COQ7: variants seen among roughly 807,000 people sequenced by gnomAD.
The protein encoded by COQ7 is NADPH-dependent 3-demethoxyubiquinone 3-hydroxylase, mitochondrial.
In COQ7, 21 loss-of-function variants were observed where a neutral mutation model predicts 25.0. The ratio of observed to expected loss-of-function variants is 0.84; its 90% CI spans 0.60 to 1.21. COQ7 has a LOEUF of 1.21. COQ7 is among the 50% of genes most tolerant of loss of function. The pLI is 0.00. For synonymous variants in COQ7, 125 were observed against 112.4 expected (o/e 1.11, Z -0.71); for missense variants, 311 against 296.2 (o/e 1.05, Z -0.37).
intron 1 of COQ7, chr16:19,068,137 C>A: frequency 9.5e-7 from 1 of 1,057,858 alleles, no homozygotes; most frequent in Non-Finnish European, 1.1e-6. Context: ...CCAGCAGCCT[C>A]CGCTACTTCT....
chr16:19,076,402 T>C (rs1487270372), intron 4 of COQ7, among the ~76,000 whole-genome samples: 1 of 151,660 alleles, frequency 6.6e-6, no homozygotes, highest in Non-Finnish European at 1.5e-5. Context: ...GCCAGAACCC[T>C]TGTCTCTTGA....
chr16:19,072,121 A>G lies in COQ7; in HGVS notation c.252+15A>G. 6.2e-7 allele frequency: 1 copy of G among 1,613,842 alleles called. No homozygotes were observed. Among genetic ancestry groups the G allele is most frequent in the African/African-American group, 1.3e-5 (1 of 75,002 alleles). ...CAGTCATTCAGGTGGGTGCTTCTTC[A>G]TCTCCCTCACCCTGGTCTACTGAAT... On this transcript the variant is annotated intron_variant, in intron 2 of 5. Coordinates refer to ENST00000321998, the MANE Select transcript of COQ7 (RefSeq NM_016138.5).
chr16:19,082,198 A>G (rs1963111227), downstream of COQ7, among the ~76,000 whole-genome samples: 1 of 152,262 alleles, frequency 6.6e-6, no homozygotes, highest in Non-Finnish European at 1.5e-5. Context: ...ATGATACAAC[A>G]TGGATGAACC....
chr16:19,077,348 A>G lies in COQ7; in HGVS notation c.550A>G (p.Ile184Val). ...GGATGAAGAGCTTGAGCACCATGAC[A>G]TAGGCCTCGACCATGATGCAGAATT... ...FRDEELEHHD[I>V]GLDHDAELAP... Residue 184 changes from isoleucine (I) to valine (V), a missense_variant, in exon 5 of 6, where the codon ATA becomes GTA. Ile to Val is a conservative substitution (Grantham distance 29). Coordinates refer to ENST00000321998, the MANE Select transcript of COQ7 (RefSeq NM_016138.5). 5 of 1,614,152 alleles carry G rather than the reference A, an allele frequency of 3.1e-6. No individual in the cohort carries two copies. Among genetic ancestry groups the G allele is most frequent in the African/African-American group, 2.7e-5 (2 of 75,036 alleles).
At chr16:19,074,487 T>C (rs1019603238) in intron 3 of COQ7, among the ~76,000 whole-genome samples, 2 of 151,572 alleles carry the variant, frequency 1.3e-5, no homozygotes, top group African/African-American at 4.9e-5. Flanking sequence ...ATTGGCCCAC[T>C]GCACTCCAGC....
In COQ7 at chr16:19,067,754, A is replaced by G. The variant is rs1383677341; in HGVS notation, c.73+17A>G. On this transcript the variant is annotated intron_variant, in intron 1 of 5. Coordinates refer to ENST00000321998, the MANE Select transcript of COQ7 (RefSeq NM_016138.5). The stretch of plus-strand genomic sequence containing the variant: ...CCCTCTCAGGTAAAAGGAGGCGCGC[A>G]GTCACAGTCCTGCGCCGGTCTAGCG... 1 of 1,597,894 alleles carries G rather than the reference A, an allele frequency of 6.3e-7. No homozygotes were observed. The highest frequency in any genetic ancestry group is 8.5e-7 in the Non-Finnish European group (1 of 1,177,444).
intron 2 of COQ7, among the ~76,000 whole-genome samples, chr16:19,072,697 A>G (rs367685879): frequency 3.9e-5 from 6 of 152,212 alleles, no homozygotes; most frequent in Admixed American, 2.6e-4. Context: ...TGGGCAAGCT[A>G]CTTAGCCTCT....
chr16:19,077,544 T>C (rs1375150001), intron 5 of COQ7, among the ~76,000 whole-genome samples, 170 bp downstream of exon 5: 3 of 150,976 alleles, frequency 2.0e-5, no homozygotes, highest in African/African-American at 7.3e-5. Flanking sequence ...TGCTCCAGAT[T>C]GGGAATCTCC....
chr16:19,075,846 G>C lies in COQ7; in HGVS notation c.493G>C (p.Glu165Gln), dbSNP rs777896232. Residue 165 changes from glutamate (E) to glutamine (Q), a missense_variant, in exon 4 of 6, where the codon GAG becomes CAG. By Grantham distance (29) the Glu-to-Gln change is conservative (BLOSUM62 2). Transcript: ENST00000321998. ...GATGGAGGAGGACCCTGAAAAATAC[G>C]AGGAACTTCTTCAGGTATTTATCCG... ...TLMEEDPEKY[E>Q]ELLQLIKKFR... 1.2e-6 allele frequency: 2 copies of C among 1,614,206 alleles called. No homozygotes were observed. Among genetic ancestry groups the C allele is most frequent in the Non-Finnish European group, 1.7e-6 (2 of 1,180,036 alleles).
At chr16:19,071,721 T>A (rs1962567083) in intron 1 of COQ7, 3 of 585,068 alleles carry the variant, frequency 5.1e-6, no homozygotes, top group Non-Finnish European at 9.0e-6. Context: ...CAGATCTTCA[T>A]ACACTTAAAG....
At chr16:19,075,441 C>CTG (rs1411303029) in intron 3 of COQ7, among the ~76,000 whole-genome samples, 4 of 29,024 alleles carry the variant, frequency 1.4e-4, no homozygotes, top group East Asian at 4.7e-3. Context: ...CTCAGGTGAT[C>CTG]CGCCTCGGCC....
intron 2 of COQ7, among the ~76,000 whole-genome samples, chr16:19,072,909 G>A (rs551504742): frequency 1.5e-3 from 224 of 152,260 alleles, no homozygotes; most frequent in African/African-American, 5.1e-3. Flanking sequence ...GGTGGCTCAC[G>A]CCTGTAATCC....
At chr16:19,077,744 C>A (rs762639597) in intron 5 of COQ7, among the ~76,000 whole-genome samples, 2 of 151,842 alleles carry the variant, frequency 1.3e-5, no homozygotes, top group Non-Finnish European at 2.9e-5. Flanking sequence ...TGCCACCATG[C>A]CTGGCTAATT....
At chr16:19,076,572 C>G (rs1024339827) in intron 4 of COQ7, among the ~76,000 whole-genome samples, 4 of 148,238 alleles carry the variant, frequency 2.7e-5, no homozygotes, top group African/African-American at 9.9e-5. Context: ...GCCACACCAC[C>G]TGGTGCTGTT....
At chr16:19,075,162 GT>G (rs1478385599) in intron 3 of COQ7, among the ~76,000 whole-genome samples, 1 of 149,282 alleles carries the variant, frequency 6.7e-6, no homozygotes, top group Non-Finnish European at 1.5e-5. Context: ...GGGTGAGTTT[GT>G]CCCCCTGATG....
intron 1 of COQ7, chr16:19,068,172 C>T (rs1962337831): frequency 9.7e-7 from 1 of 1,034,982 alleles, no homozygotes; most frequent in Non-Finnish European, 1.2e-6. Context: ...AATACAGATT[C>T]TCGGGCCCCA....
At position 19,075,715 on chromosome 16, in the gene COQ7, T is replaced by A; in HGVS notation, c.368-6T>A. 1 of 1,561,650 alleles carries A rather than the reference T, an allele frequency of 6.4e-7. No individual in the cohort carries two copies. Among genetic ancestry groups the A allele is most frequent in the Non-Finnish European group, 8.6e-7 (1 of 1,158,006 alleles). ...TACTTTTCTGGTCTGGGTTTAACAA[T>A]CCCAGGGGCGGGGACCGCCTTGCTC... On this transcript the variant is annotated splice_region_variant and splice_polypyrimidine_tract_variant and intron_variant, in intron 3 of 5. Coordinates refer to ENST00000321998, the MANE Select transcript of COQ7 (RefSeq NM_016138.5).
At chr16:19,075,171 A>T (rs914903391) in intron 3 of COQ7, among the ~76,000 whole-genome samples, 2 of 149,526 alleles carry the variant, frequency 1.3e-5, no homozygotes, top group African/African-American at 4.9e-5. Flanking sequence ...TGTCCCCCTG[A>T]TGAGGACATG....
intron 1 of COQ7, chr16:19,067,997 A>G: frequency 7.4e-7 from 1 of 1,345,818 alleles, no homozygotes; most frequent in Non-Finnish European, 9.5e-7. Flanking sequence ...CTGTGCAGTG[A>G]TGTCACGGCA....
Sources: allele counts gnomAD v4.1 joint callset (sites outside exome capture counted in the v4.1 genomes callset), GRCh38; gene constraint gnomAD v4.1.1; transcripts MANE v1.5; gene names NCBI Gene and HGNC (gene_info 2026-07-23, HGNC 2026-07-21).